KLHL13: variants seen among roughly 807,000 people sequenced by gnomAD.
KLHL13 encodes the protein kelch like family member 13.
In KLHL13, 10 loss-of-function variants were observed where a neutral mutation model predicts 37.1. The observed-to-expected ratio is 0.27, with a 90% confidence interval of 0.17 to 0.46. KLHL13 has a LOEUF of 0.46. Among genes scored for constraint, KLHL13 ranks in the 20% least tolerant of loss-of-function variants. KLHL13 has a pLI of 1.00. For synonymous variants in KLHL13, 163 were observed against 181.2 expected (o/e 0.90, Z 0.81); for missense variants, 360 against 509.3 (o/e 0.71, Z 2.82).
rs144385633 is a variant in KLHL13 at position 118,108,439 on chromosome X, C to T, written c.-56+8069G>A. ...TACTTTCACCCCCTTTCTTCACTTGCCTTTTTCTTCTTCATCTTTCTCATC... is the reference window on the plus strand; with the variant it reads ...TACTTTCACCCCCTTTCTTCACTTGTCTTTTTCTTCTTCATCTTTCTCATC... On this transcript the variant is annotated intron_variant, in intron 1 of 6. Coordinates refer to the KLHL13 transcript ENST00000371882. Among the ~76,000 whole-genome samples the T allele has an allele frequency of 8.0e-3, 899 of 112,337 alleles. 10 individuals carry two copies. Among genetic ancestry groups the T allele is most frequent in the African/African-American group, 0.026 (791 of 30,934 alleles).
intron 1 of KLHL13, among the ~76,000 whole-genome samples, chrX:117,969,176 T>C (rs1259498253): frequency 1.8e-5 from 2 of 111,382 alleles, no homozygotes; most frequent in Non-Finnish European, 3.8e-5. Flanking sequence ...CACTGTTATA[T>C]TTCACTGGTT....
At chrX:117,931,296 G>A (rs1160476978) in intron 2 of KLHL13, among the ~76,000 whole-genome samples, 2 of 111,784 alleles carry the variant, frequency 1.8e-5, no homozygotes, top group East Asian at 2.8e-4. Flanking sequence ...CCAGAGTAAC[G>A]AGGCATTTTC....
At chrX:118,022,739 C>T (rs1382238220) in intron 1 of KLHL13, among the ~76,000 whole-genome samples, 1 of 112,007 alleles carries the variant, frequency 8.9e-6, no homozygotes, top group Admixed American at 9.5e-5. Context: ...GATATTAACC[C>T]TCATCACATA....
chrX:118,024,555 A>G (rs1456708006), intron 1 of KLHL13, among the ~76,000 whole-genome samples: 1 of 111,726 alleles, frequency 9.0e-6, no homozygotes, highest in Non-Finnish European at 1.9e-5. Context: ...ATAAAATAAT[A>G]ACCCATTTTT....
chrX:118,078,204 T>A (rs772658018), intron 1 of KLHL13, among the ~76,000 whole-genome samples: 2 of 111,964 alleles, frequency 1.8e-5, no homozygotes, highest in South Asian at 7.4e-4. Flanking sequence ...TCACAAATGG[T>A]GGTCCAATTT....
intron 1 of KLHL13, among the ~76,000 whole-genome samples, chrX:118,095,650 T>C (rs1304726405): frequency 3.8e-4 from 42 of 111,704 alleles, no homozygotes; most frequent in Non-Finnish European, 2.6e-4. Context: ...AGTAAAGCTC[T>C]CCTCAGCAAA....
chrX:118,032,463 A>AC (rs761534411), intron 1 of KLHL13, among the ~76,000 whole-genome samples: 2 of 111,220 alleles, frequency 1.8e-5, no homozygotes, highest in African/African-American at 6.6e-5. Flanking sequence ...ACTGGGAGGC[A>AC]CCCCCCAGCA....
At chrX:118,023,357 CT>C (rs904593615) in intron 1 of KLHL13, among the ~76,000 whole-genome samples, 222 of 106,613 alleles carry the variant, frequency 2.1e-3, no homozygotes, top group Non-Finnish European at 2.6e-3. Flanking sequence ...TGTCACTAAT[CT>C]TTTTTTTTTA....
chrX:117,978,490 G>A (rs2053619337), upstream of KLHL13, among the ~76,000 whole-genome samples: 1 of 111,501 alleles, frequency 9.0e-6, no homozygotes, highest in Non-Finnish European at 1.9e-5. Flanking sequence ...TGGCTGTAAG[G>A]GGAAAGGAAA....
upstream of KLHL13, chrX:117,973,750 G>A (rs2053560987): frequency 1.3e-6 from 1 of 769,331 alleles, no homozygotes; most frequent in South Asian, 6.4e-5. Context: ...GCAGTCCTCA[G>A]AGGGACGCTA....
intron 1 of KLHL13, among the ~76,000 whole-genome samples, chrX:118,004,954 G>A (rs2053965326): frequency 8.9e-6 from 1 of 112,047 alleles, no homozygotes; most frequent in East Asian, 2.8e-4. Flanking sequence ...TAACTGGCCT[G>A]TAATCTTCAA....
At chrX:118,029,176 T>C (rs142357152) in intron 1 of KLHL13, among the ~76,000 whole-genome samples, 1,293 of 110,990 alleles carry the variant, frequency 0.012, 20 homozygotes, top group African/African-American at 0.04. Context: ...CTGTATGAAG[T>C]TGGGTTAGAC....
At chrX:117,973,368 A>C (rs1296513101) in exon 1 of KLHL13, 1 of 970,602 alleles carries the variant, frequency 1.0e-6, no homozygotes, top group African/African-American at 2.0e-5. Context: ...CAACAATACA[A>C]ATGGGATATA....
At chrX:118,087,388 AAT>A (rs199854887) in intron 1 of KLHL13, among the ~76,000 whole-genome samples, 6 of 107,733 alleles carry the variant, frequency 5.6e-5, no homozygotes, top group African/African-American at 6.7e-5. Context: ...TACTCTTTAA[AAT>A]ATATATATAT....
intron 1 of KLHL13, among the ~76,000 whole-genome samples, chrX:118,012,015 T>C (rs1030073262): frequency 8.0e-5 from 9 of 112,217 alleles, no homozygotes; most frequent in African/African-American, 2.9e-4. Flanking sequence ...CCCAACTTAC[T>C]GTTAAATATC....
intron 1 of KLHL13, among the ~76,000 whole-genome samples, chrX:117,983,196 T>C (rs2053683134): frequency 9.0e-6 from 1 of 111,567 alleles, no homozygotes; most frequent in African/African-American, 3.3e-5. Context: ...ATCTGTAAAA[T>C]AGGGAAAATG....
At chrX:117,948,892 T>C (rs141771658) in intron 1 of KLHL13, among the ~76,000 whole-genome samples, 1,544 of 112,001 alleles carry the variant, frequency 0.014, 18 homozygotes, top group Non-Finnish European at 0.023. Flanking sequence ...ACTGAAAGCA[T>C]TGTAAACGTG....
chrX:118,052,618 G>A (rs2054629016), intron 1 of KLHL13, among the ~76,000 whole-genome samples: 2 of 108,558 alleles, frequency 1.8e-5, no homozygotes, highest in African/African-American at 6.7e-5. Context: ...ATGAGGTCAG[G>A]AGTTTGAGAC....
chrX:117,987,180 T>C (rs2053737183), intron 1 of KLHL13, among the ~76,000 whole-genome samples: 1 of 111,522 alleles, frequency 9.0e-6, no homozygotes, highest in African/African-American at 3.3e-5. Context: ...ATGATGGAGC[T>C]GTGACCTTTG....
Sources: allele counts gnomAD v4.1 joint callset (sites outside exome capture counted in the v4.1 genomes callset), GRCh38; gene constraint gnomAD v4.1.1; transcripts MANE v1.5; gene names NCBI Gene and HGNC (gene_info 2026-07-23, HGNC 2026-07-21).